Variants in FBXO42 observed in about 807,000 individuals in gnomAD.
The protein encoded by FBXO42 is F-box only protein 42.
Under a neutral mutation model 71.7 loss-of-function variants are expected in FBXO42, and 12 were observed. The observed-to-expected ratio is 0.17, with a 90% CI of 0.11 to 0.27. The LOEUF is 0.27. Ranked by LOEUF, FBXO42 falls within the 10% of genes least tolerant of loss-of-function variation. The pLI is 1.00. For missense variants in FBXO42, 707 were observed against 911.9 expected (o/e 0.78, Z 2.89); for synonymous variants, 325 against 327.5 (o/e 0.99, Z 0.08).
chr1:16,310,651 A>G (rs771556899), intron 2 of FBXO42, among the ~76,000 whole-genome samples: 17 of 152,354 alleles, frequency 1.1e-4, no homozygotes, highest in Admixed American at 2.6e-4. Flanking sequence ...TGCAAAAGAC[A>G]TATCTGATAA....
intron 3 of FBXO42, among the ~76,000 whole-genome samples, chr1:16,297,170 C>T (rs1442269863): frequency 1.3e-5 from 2 of 152,052 alleles, no homozygotes; most frequent in Non-Finnish European, 1.5e-5. Context: ...TCTCGAACTC[C>T]TGACCTCAGG....
intron 5 of FBXO42, 136 bp downstream of exon 5, chr1:16,256,464 TATGTGC>T: frequency 1.2e-6 from 1 of 816,660 alleles, no homozygotes; most frequent in East Asian, 2.7e-5. Context: ...AATCTGTGAA[TATGTGC>T]ATTTTTCCCC....
intron 4 of FBXO42, among the ~76,000 whole-genome samples, chr1:16,279,843 GT>G (rs1199990516): frequency 1.5e-5 from 1 of 68,542 alleles, no homozygotes; most frequent in Non-Finnish European, 3.0e-5. Flanking sequence ...GTTGACAATG[GT>G]TTTTTTTTTC....
At chr1:16,324,483 A>T (rs2082434487) in intron 1 of FBXO42, among the ~76,000 whole-genome samples, 1 of 152,216 alleles carries the variant, frequency 6.6e-6, no homozygotes. Flanking sequence ...TCTAACTAGT[A>T]TAAGGAAGGT....
intron 4 of FBXO42, among the ~76,000 whole-genome samples, chr1:16,277,674 G>T (rs1287641960): frequency 6.9e-6 from 1 of 144,722 alleles, no homozygotes; most frequent in Non-Finnish European, 1.5e-5. Context: ...GCAATGAGCC[G>T]AAATTCGCCA....
Position 16,315,230 on chromosome 1 carries a change from T to C in FBXO42, c.189A>G (p.Ser63=), listed in dbSNP as rs1441528457. The C allele has an allele frequency of 1.9e-6, 3 of 1,614,008 alleles. No individual in the cohort carries two copies. In the African/African-American group the frequency reaches 4.0e-5, roughly 22 times the overall value. ...EVLEYILSFL[S]PYQEHKTAAL... is the part of the protein sequence containing the mutation. ...CCGCAGTTTTGTGTTCCTGATACGG[T>C]GAGAGAAAGGACAGGATATACTCCA... is the stretch of plus-strand genomic sequence containing the variant. The change falls in exon 2 of 10, where the codon TCA becomes TCG. Residue 63 remains serine (S), a synonymous_variant. Transcript: ENST00000375592.
intron 1 of FBXO42, among the ~76,000 whole-genome samples, chr1:16,321,541 C>T (rs1420961820): frequency 6.6e-6 from 1 of 152,132 alleles, no homozygotes; most frequent in African/African-American, 2.4e-5. Context: ...TCAGCTTCCC[C>T]AACGTGACTG....
chr1:16,314,675 G>A (rs2082345704), intron 2 of FBXO42, among the ~76,000 whole-genome samples: 1 of 152,114 alleles, frequency 6.6e-6, no homozygotes, highest in African/African-American at 2.4e-5. Context: ...ACGAGGTCAG[G>A]AGATTGAGAC....
chr1:16,322,386 A>G (rs1014050203), intron 1 of FBXO42, among the ~76,000 whole-genome samples: 1 of 151,698 alleles, frequency 6.6e-6, no homozygotes, highest in Admixed American at 6.6e-5. Flanking sequence ...GACCAGCCTG[A>G]CCAACATGGG....
intron 1 of FBXO42, among the ~76,000 whole-genome samples, chr1:16,348,972 C>G (rs1446290823): frequency 6.6e-6 from 1 of 152,126 alleles, no homozygotes; most frequent in Non-Finnish European, 1.5e-5. Context: ...ACTTAGTAAT[C>G]TGAGATATTT....
chr1:16,257,279 GA>G (rs796170766), intron 4 of FBXO42, among the ~76,000 whole-genome samples: 10 of 152,300 alleles, frequency 6.6e-5, no homozygotes, highest in African/African-American at 2.4e-4. Flanking sequence ...AAGGAGGCAG[GA>G]GGCAGTTCTT....
At chr1:16,309,836 G>C (rs2082293326) in intron 2 of FBXO42, among the ~76,000 whole-genome samples, 4 of 151,800 alleles carry the variant, frequency 2.6e-5, no homozygotes, top group Non-Finnish European at 4.4e-5. Flanking sequence ...TTGAAGTCAG[G>C]AGTTTGAGAC....
rs1569873852 is a variant in FBXO42 at position 16,294,815 on chromosome 1, T to C, written c.470A>G (p.Asn157Ser). 1 of 1,614,090 alleles carries C rather than the reference T, an allele frequency of 6.2e-7. No homozygotes were observed. Among genetic ancestry groups the C allele is most frequent in the Non-Finnish European group, 8.5e-7 (1 of 1,179,998 alleles). The stretch of plus-strand genomic sequence containing the variant: ...CAAAGGTCGGATCCACTCTTTGCTG[T>C]TTAGGTCAAGTCTCCAGAGGTCATT... ...AFNDLWRLDL[N>S]SKEWIRPLAS... The change falls in exon 4 of 10, where the codon AAC (asparagine) becomes AGC (serine). Residue 157 changes from asparagine (N) to serine (S), a missense_variant. This residue lies in a region of FBXO42 where 188 missense variants were observed against 230.5 expected (regional missense o/e 0.82). Coordinates refer to ENST00000375592, the MANE Select transcript of FBXO42 (RefSeq NM_018994.3).
chr1:16,261,374 C>T (rs1489879443), intron 4 of FBXO42, among the ~76,000 whole-genome samples: 5 of 152,182 alleles, frequency 3.3e-5, no homozygotes, highest in African/African-American at 7.2e-5. Flanking sequence ...TCCAAAACGA[C>T]GTCTCAGATA....
At chr1:16,308,747 T>TTC (rs2082281416) in intron 2 of FBXO42, among the ~76,000 whole-genome samples, 1 of 142,154 alleles carries the variant, frequency 7.0e-6, no homozygotes, top group African/African-American at 2.6e-5. Flanking sequence ...TCTGTTTTTT[T>TTC]TTTTTTTTTT....
At chr1:16,266,188 T>A (rs11260714) in intron 4 of FBXO42, among the ~76,000 whole-genome samples, 53,732 of 151,550 alleles carry the variant, frequency 0.35, 10,017 homozygotes, top group African/African-American at 0.43. Flanking sequence ...TAGTTTTTTT[T>A]AAAAAAAATA....
chr1:16,311,598 G>A (rs1412039870), intron 2 of FBXO42, among the ~76,000 whole-genome samples: 1 of 150,516 alleles, frequency 6.6e-6, no homozygotes, highest in Admixed American at 6.7e-5. Flanking sequence ...AAGGTATGTG[G>A]GTAACACATA....
rs1476674847 is a variant in FBXO42 at position 16,268,352 on chromosome 1, G to A, written c.503-11593C>T. Reference sequence around the variant, plus strand: ...TTCCCACTCTTCTCTTTAGCAGGAGGTAATGTGTATACACCTTAGAAAAGC... The same window carrying A: ...TTCCCACTCTTCTCTTTAGCAGGAGATAATGTGTATACACCTTAGAAAAGC... On this transcript the variant is annotated intron_variant, in intron 4 of 9. Coordinates refer to ENST00000375592, the MANE Select transcript of FBXO42 (RefSeq NM_018994.3). Among the ~76,000 whole-genome samples, 5 of 152,174 alleles carry A rather than the reference G, an allele frequency of 3.3e-5. No homozygotes were observed. In the East Asian group the frequency reaches 9.6e-4, roughly 29 times the overall value.
intron 4 of FBXO42, chr1:16,292,488 G>A (rs566996799): frequency 6.6e-6 from 1 of 152,164 alleles, no homozygotes; most frequent in South Asian, 2.1e-4. Flanking sequence ...TAGAGATGGG[G>A]GTCTCACCAT....
Sources: gnomAD v4.1 joint callset for allele counts (sites outside exome capture counted in the v4.1 genomes callset) on GRCh38, gnomAD v4.1.1 for gene constraint, gnomAD v4.1.1 regional missense constraint, MANE v1.5 for transcripts, NCBI Gene and HGNC (gene_info 2026-07-23, HGNC 2026-07-21) for gene names.